HS6ST3: variants seen among roughly 807,000 people sequenced by gnomAD.
The protein encoded by HS6ST3 is heparan-sulfate 6-O-sulfotransferase 3.
A neutral mutation model predicts 36.7 loss-of-function variants in HS6ST3; 12 were observed. The ratio of observed to expected loss-of-function variants is 0.33; its 90% CI spans 0.21 to 0.53. HS6ST3 has a LOEUF of 0.53. HS6ST3 is among the 20% of genes least tolerant of loss of function. HS6ST3 has a pLI of 0.95. For synonymous variants in HS6ST3, 240 were observed against 257.5 expected (o/e 0.93, Z 0.65); for missense variants, 584 against 640.9 (o/e 0.91, Z 0.96).
intron 1 of HS6ST3, among the ~76,000 whole-genome samples, chr13:96,318,728 T>C (rs1433425276): frequency 6.6e-6 from 1 of 152,152 alleles, no homozygotes; most frequent in Non-Finnish European, 1.5e-5. Flanking sequence ...CTGAGCTTTC[T>C]ATTCGGTTCC....
intron 1 of HS6ST3, among the ~76,000 whole-genome samples, chr13:96,600,383 A>G (rs1473204052): frequency 6.6e-6 from 1 of 151,472 alleles, no homozygotes; most frequent in African/African-American, 2.4e-5. Flanking sequence ...TAGGATTGCT[A>G]TATCTTCTTG....
rs2055874159 is a variant in HS6ST3, at chr13:96,478,378, G to C, written c.708-354112G>C. 2.0e-5 allele frequency among the ~76,000 whole-genome samples: 3 copies of C among 152,100 alleles called. No individual in the cohort carries two copies. The South Asian group carries it at 6.2e-4, about 31-fold the overall frequency. On this transcript the variant is annotated intron_variant, in intron 1 of 1. Coordinates refer to ENST00000376705, the MANE Select transcript of HS6ST3 (RefSeq NM_153456.4). ...CAGGCAGTCATCGCCGGAGTCCTAA[G>C]CGGCAAAAAAGGAAGAAATGTCAGA...
chr13:96,270,875 A>G (rs1286276932), intron 1 of HS6ST3, among the ~76,000 whole-genome samples: 1 of 151,712 alleles, frequency 6.6e-6, no homozygotes, highest in Non-Finnish European at 1.5e-5. Context: ...CAGAGTTCAT[A>G]TATGCTTTTC....
chr13:96,737,070 A>G (rs1876303141), intron 1 of HS6ST3, among the ~76,000 whole-genome samples: 1 of 152,160 alleles, frequency 6.6e-6, no homozygotes, highest in East Asian at 1.9e-4. Flanking sequence ...AGAAAATAGA[A>G]AAATTATACA....
At chr13:96,239,706 A>T (rs1351052600) in intron 1 of HS6ST3, among the ~76,000 whole-genome samples, 4 of 152,240 alleles carry the variant, frequency 2.6e-5, no homozygotes. Flanking sequence ...GGCAAGGCAG[A>T]CACAAATACA....
chr13:96,429,774 A>G (rs538240532), intron 1 of HS6ST3, among the ~76,000 whole-genome samples: 31 of 152,252 alleles, frequency 2.0e-4, no homozygotes, highest in Admixed American at 3.3e-4. Context: ...GGTTCGATAG[A>G]AAATTATAGG....
In HS6ST3 at chr13:96,337,812, A is replaced by G. The variant is rs138548297; in HGVS notation, c.707+246243A>G. On this transcript the variant is annotated intron_variant, in intron 1 of 1. Transcript: ENST00000376705. ...CTGTTATTTGGAAGTAGGACCACCTAGATTGATTCCTGAATTTTCTTATAA... is the reference window on the plus strand; with the variant it reads ...CTGTTATTTGGAAGTAGGACCACCTGGATTGATTCCTGAATTTTCTTATAA... 3.4e-4 allele frequency among the ~76,000 whole-genome samples: 52 copies of G among 152,116 alleles called. 1 individual carries two copies. Among genetic ancestry groups the G allele is most frequent in the African/African-American group, 1.2e-3 (49 of 41,518 alleles).
At chr13:96,808,813 C>A (rs9516761) in intron 1 of HS6ST3, among the ~76,000 whole-genome samples, 11,436 of 152,132 alleles carry the variant, frequency 0.075, 475 homozygotes, top group Middle Eastern at 0.15. Context: ...GAAGCGGGAA[C>A]TTTTTACAGG....
At chr13:96,629,934 T>C (rs1400792654) in intron 1 of HS6ST3, among the ~76,000 whole-genome samples, 4 of 152,150 alleles carry the variant, frequency 2.6e-5, no homozygotes, top group East Asian at 1.9e-4. Context: ...TTTCACTCTT[T>C]TCTATTTTCA....
chr13:96,496,653 A>G (rs1007827021), intron 1 of HS6ST3, among the ~76,000 whole-genome samples: 11 of 152,186 alleles, frequency 7.2e-5, no homozygotes, highest in Admixed American at 1.3e-4. Flanking sequence ...GCCATCTCAG[A>G]CATTCCTACC....
At chr13:96,258,787 AT>A (rs2054650199) in intron 1 of HS6ST3, among the ~76,000 whole-genome samples, 1 of 152,210 alleles carries the variant, frequency 6.6e-6, no homozygotes, top group Non-Finnish European at 1.5e-5. Flanking sequence ...TTCATCATCC[AT>A]TAATTATTAT....
At chr13:96,664,752 C>T (rs1414682716) in intron 1 of HS6ST3, among the ~76,000 whole-genome samples, 1 of 152,172 alleles carries the variant, frequency 6.6e-6, no homozygotes. Flanking sequence ...TTGGGCAGTT[C>T]TTACTTCCAT....
chr13:96,655,053 C>G (rs2056619982), intron 1 of HS6ST3, among the ~76,000 whole-genome samples: 1 of 152,078 alleles, frequency 6.6e-6, no homozygotes, highest in South Asian at 2.1e-4. Flanking sequence ...CAGTGATTTT[C>G]CTTATTTTTA....
chr13:96,369,647 T>C (rs2055279992), intron 1 of HS6ST3, among the ~76,000 whole-genome samples: 1 of 152,170 alleles, frequency 6.6e-6, no homozygotes, highest in Non-Finnish European at 1.5e-5. Context: ...ACAAGACTGA[T>C]GAGCACAAGG....
chr13:96,292,803 G>A (rs890749268), intron 1 of HS6ST3, among the ~76,000 whole-genome samples: 1 of 151,970 alleles, frequency 6.6e-6, no homozygotes, highest in African/African-American at 2.4e-5. Context: ...AAGAAAACAA[G>A]TTTTCTGTTT....
rs577469353 is a variant in HS6ST3, at chr13:96,481,444, T to C, written c.708-351046T>C. Reference sequence around the variant, plus strand: ...AGTAAAGCCCACAGTAAGCTTTCAGTACATGAATTAAGAGTAGAAAAACAA... The same window carrying C: ...AGTAAAGCCCACAGTAAGCTTTCAGCACATGAATTAAGAGTAGAAAAACAA... On this transcript the variant is annotated intron_variant, in intron 1 of 1. Coordinates refer to ENST00000376705, the MANE Select transcript of HS6ST3 (RefSeq NM_153456.4). Among the ~76,000 whole-genome samples the C allele has an allele frequency of 1.5e-3, 234 of 152,276 alleles. 1 individual carries two copies. Among genetic ancestry groups the C allele is most frequent in the African/African-American group, 5.5e-3 (227 of 41,562 alleles).
chr13:96,206,397 A>G (rs537537327), intron 1 of HS6ST3, among the ~76,000 whole-genome samples: 31 of 152,364 alleles, frequency 2.0e-4, no homozygotes, highest in Non-Finnish European at 3.5e-4. Context: ...AGTAGTTTAT[A>G]CATTCAATGC....
chr13:96,418,096 C>G (rs568558428), intron 1 of HS6ST3, among the ~76,000 whole-genome samples: 2 of 152,206 alleles, frequency 1.3e-5, no homozygotes, highest in South Asian at 2.1e-4. Flanking sequence ...TTAGGACTAC[C>G]GGGCACCCTG....
intron 1 of HS6ST3, among the ~76,000 whole-genome samples, chr13:96,520,946 C>T (rs2056090967): frequency 6.6e-6 from 1 of 152,122 alleles, no homozygotes; most frequent in Non-Finnish European, 1.5e-5. Flanking sequence ...GGAATGCTTC[C>T]AGTTTTTGCC....
Sources: gnomAD v4.1 joint callset for allele counts (sites outside exome capture counted in the v4.1 genomes callset) on GRCh38, gnomAD v4.1.1 for gene constraint, MANE v1.5 for transcripts, NCBI Gene and HGNC (gene_info 2026-07-23, HGNC 2026-07-21) for gene names.